Variants in TENM3 observed in about 807,000 individuals in gnomAD.
The protein encoded by TENM3 is teneurin-3.
TENM3 carries 63 observed loss-of-function variants against 255.1 expected under a neutral mutation model. That is an observed-to-expected ratio of 0.25 (90% CI 0.20 to 0.30). The LOEUF is 0.30. TENM3 is among the 10% of genes least tolerant of loss of function. The pLI, the probability that TENM3 is intolerant of heterozygous loss-of-function variation, is 1.00. For synonymous variants in TENM3, 1,306 were observed against 1,322.3 expected (o/e 0.99, Z 0.27); for missense variants, 2,929 against 3,461.1 (o/e 0.85, Z 3.86).
chr4:182,059,552 C>T, the TENM3 span, among the ~76,000 whole-genome samples: 1 of 151,636 alleles, frequency 6.6e-6, no homozygotes, highest in Non-Finnish European at 1.5e-5. Flanking sequence ...ATACTGCATA[C>T]AAATGCACCC....
chr4:182,537,998 C>T (rs1252117846), intron 3 of TENM3, among the ~76,000 whole-genome samples: 3 of 152,178 alleles, frequency 2.0e-5, no homozygotes, highest in Non-Finnish European at 4.4e-5. Flanking sequence ...CTTTAAAGCA[C>T]TTACCATTTG....
the TENM3 span, among the ~76,000 whole-genome samples, chr4:181,892,820 A>G: frequency 2.6e-5 from 4 of 152,166 alleles, no homozygotes; most frequent in East Asian, 7.7e-4. Context: ...GAAACTCTCT[A>G]TACATTTTAT....
chr4:182,705,125 A>T (rs927099966), intron 12 of TENM3, among the ~76,000 whole-genome samples: 6 of 152,222 alleles, frequency 3.9e-5, no homozygotes, highest in Admixed American at 3.9e-4. Flanking sequence ...TTGCACGCTG[A>T]TTTAAACAGT....
At chr4:181,675,680 T>C in the TENM3 span, among the ~76,000 whole-genome samples, 1 of 152,082 alleles carries the variant, frequency 6.6e-6, no homozygotes, top group Non-Finnish European at 1.5e-5. Context: ...GGCCATCGGG[T>C]AGAAAGCCTG....
At chr4:181,877,640 C>A in the TENM3 span, among the ~76,000 whole-genome samples, 1 of 152,118 alleles carries the variant, frequency 6.6e-6, no homozygotes, top group South Asian at 2.1e-4. Context: ...TTCTTTCTAG[C>A]CCTTTAACCA....
chr4:182,324,660 C>T (rs1269237071), intron 2 of TENM3, among the ~76,000 whole-genome samples: 4 of 152,156 alleles, frequency 2.6e-5, no homozygotes, highest in Non-Finnish European at 5.9e-5. Context: ...GGTGAAGAAA[C>T]CCATCTTTCC....
At chr4:182,570,032 T>G (rs1744202604) in intron 3 of TENM3, among the ~76,000 whole-genome samples, 1 of 152,226 alleles carries the variant, frequency 6.6e-6, no homozygotes, top group Admixed American at 6.5e-5. Context: ...AATTTTAAAT[T>G]ATGTATATGG....
chr4:181,619,745 A>G, the TENM3 span, among the ~76,000 whole-genome samples: 1 of 152,142 alleles, frequency 6.6e-6, no homozygotes, highest in South Asian at 2.1e-4. Flanking sequence ...CTCATTTTAA[A>G]CAAATCAATG....
At chr4:182,105,589 CG>C in the TENM3 span, among the ~76,000 whole-genome samples, 1 of 152,298 alleles carries the variant, frequency 6.6e-6, no homozygotes, top group South Asian at 2.1e-4. Flanking sequence ...GCCGAGGCTG[CG>C]GAAGTACCAG....
chr4:182,786,830 C>T (rs1765699789), intron 24 of TENM3, among the ~76,000 whole-genome samples: 1 of 152,056 alleles, frequency 6.6e-6, no homozygotes, highest in Non-Finnish European at 1.5e-5. Flanking sequence ...CTCCAAAGCC[C>T]GGGATAATCT....
intron 3 of TENM3, among the ~76,000 whole-genome samples, chr4:182,476,855 A>T (rs1298032207): frequency 6.6e-6 from 1 of 152,202 alleles, no homozygotes; most frequent in Non-Finnish European, 1.5e-5. Context: ...TGGTTTTGAC[A>T]TACTTGAATC....
the TENM3 span, among the ~76,000 whole-genome samples, chr4:181,953,817 C>G: frequency 6.6e-5 from 10 of 151,954 alleles, no homozygotes; most frequent in African/African-American, 2.2e-4. Context: ...ATAGAATTCA[C>G]CCATTTAAGT....
At chr4:181,987,392 A>G in the TENM3 span, among the ~76,000 whole-genome samples, 2 of 152,076 alleles carry the variant, frequency 1.3e-5, no homozygotes, top group South Asian at 2.1e-4. Flanking sequence ...TTCATCCTGC[A>G]CTACACCTGA....
chr4:181,552,321 A>C, the TENM3 span, among the ~76,000 whole-genome samples: 1 of 152,188 alleles, frequency 6.6e-6, no homozygotes, highest in Non-Finnish European at 1.5e-5. Flanking sequence ...TATTGAGAAA[A>C]ACAGATTAAA....
chr4:182,492,241 G>C (rs1735368633), intron 3 of TENM3, among the ~76,000 whole-genome samples: 2 of 152,052 alleles, frequency 1.3e-5, no homozygotes, highest in Admixed American at 6.6e-5. Flanking sequence ...TTGTGCAAGT[G>C]GTTCAGTAAT....
At chr4:181,783,528 T>C in the TENM3 span, among the ~76,000 whole-genome samples, 1 of 152,212 alleles carries the variant, frequency 6.6e-6, no homozygotes, top group East Asian at 1.9e-4. Context: ...ACATAGCTCC[T>C]CTTCTAGATG....
At chr4:182,387,874 T>C (rs1330785774) in intron 3 of TENM3, among the ~76,000 whole-genome samples, 1 of 148,118 alleles carries the variant, frequency 6.8e-6, no homozygotes, top group African/African-American at 2.5e-5. Flanking sequence ...TTGAAGTCAG[T>C]GAGACCAAGA....
At chr4:181,737,219 T>G in the TENM3 span, among the ~76,000 whole-genome samples, 8 of 152,156 alleles carry the variant, frequency 5.3e-5, no homozygotes, top group Non-Finnish European at 1.2e-4. Context: ...ACTTCCACTT[T>G]AGCGAACTTT....
chr4:182,751,994 G>A lies in TENM3; in HGVS notation c.3824G>A (p.Gly1275Glu), dbSNP rs750074878. The A allele has an allele frequency of 6.2e-7, 1 of 1,612,956 alleles. No individual in the cohort carries two copies. The highest frequency in any genetic ancestry group is 8.5e-7 in the Non-Finnish European group (1 of 1,179,452). ...LPFDEARCGD[G>E]GKAVEATLMS... ...TTTGACGAGGCGAGATGTGGGGATG[G>A]AGGGAAGGCCGTGGAAGCCACACTC... is the stretch of plus-strand genomic sequence containing the variant. Residue 1275 changes from glycine (G) to glutamate (E), a missense_variant, in exon 20 of 28, where the codon GGA becomes GAA. By Grantham distance (98) the Gly-to-Glu change is moderately conservative. Transcript: ENST00000511685.
Sources: allele counts gnomAD v4.1 joint callset (sites outside exome capture counted in the v4.1 genomes callset), GRCh38; gene constraint gnomAD v4.1.1; transcripts MANE v1.5; gene names NCBI Gene and HGNC (gene_info 2026-07-23, HGNC 2026-07-21).